The following PEX14 variants were observed in gnomAD, a reference collection of about 807,000 sequenced individuals.
PEX14 encodes peroxisomal membrane protein PEX14.
PEX14 carries 15 observed loss-of-function variants against 49.5 expected under a neutral mutation model. The ratio of observed to expected loss-of-function variants is 0.30; its 90% CI spans 0.20 to 0.47. The LOEUF (loss-of-function observed/expected upper bound fraction) is 0.47. PEX14 is among the 20% of genes least tolerant of loss of function. PEX14 has a pLI of 1.00. For missense variants in PEX14, 398 were observed against 494.8 expected, an observed-to-expected ratio of 0.80 and a Z score of 1.86; for synonymous variants, 210 against 212.7, an observed-to-expected ratio of 0.99 and a Z score of 0.11.
rs150546565 is a variant in PEX14, at chr1:10,618,894, C to T, written c.384+477C>T. Among the ~76,000 whole-genome samples the T allele has an allele frequency of 2.6e-4, 39 of 152,328 alleles. No individual in the cohort carries two copies. The East Asian group carries it at 4.4e-3, about 17-fold the overall frequency. On this transcript the variant is annotated intron_variant, in intron 5 of 8. Coordinates refer to ENST00000356607, the MANE Select transcript of PEX14 (RefSeq NM_004565.3). The stretch of plus-strand genomic sequence containing the variant: ...AACAGTCCCCACTTCACAAGGTTGT[C>T]GTGAAGTCCGGAAGAGTCAGTCTCC...
chr1:10,610,414 G>C (rs1038642738), intron 4 of PEX14, among the ~76,000 whole-genome samples: 7 of 128,852 alleles, frequency 5.4e-5, no homozygotes, highest in East Asian at 2.0e-4. Flanking sequence ...TATATACACA[G>C]AGAGAGAGAG....
At position 10,618,514 on chromosome 1, in the gene PEX14, C is replaced by T. The variant is rs1276323404; in HGVS notation, c.384+97C>T. 4 of 955,104 alleles carry T rather than the reference C, an allele frequency of 4.2e-6. No individual in the cohort carries two copies. The Admixed American group carries it at 7.3e-5, about 17-fold the overall frequency. 59.2% of individuals were successfully genotyped at this position (955,104 alleles called of 1,614,324 possible). ...TCCCCTGCATGGAGGCACTGCCGTG[C>T]TCTGCCCTGGAGTGTGTTGGCAGTG... On this transcript the variant is annotated intron_variant, in intron 5 of 8. Transcript: ENST00000356607.
At chr1:10,500,109 C>A (rs2124412424) in intron 2 of PEX14, among the ~76,000 whole-genome samples, 1 of 151,726 alleles carries the variant, frequency 6.6e-6, no homozygotes, top group African/African-American at 2.4e-5. Flanking sequence ...GTACTGTGAT[C>A]TCTGTAAGAA....
At chr1:10,591,550 C>T (rs1030130949) in intron 3 of PEX14, among the ~76,000 whole-genome samples, 1 of 151,776 alleles carries the variant, frequency 6.6e-6, no homozygotes. Context: ...GAAAAGTGTT[C>T]CTCAATCTCT....
intron 3 of PEX14, among the ~76,000 whole-genome samples, chr1:10,543,132 C>A (rs988201488): frequency 6.6e-6 from 1 of 152,102 alleles, no homozygotes; most frequent in African/African-American, 2.4e-5. Flanking sequence ...GTGAAAAATT[C>A]TTGCTTTCTT....
intron 1 of PEX14, among the ~76,000 whole-genome samples, chr1:10,480,614 T>C (rs1641267217): frequency 6.6e-6 from 1 of 152,024 alleles, no homozygotes; most frequent in Admixed American, 6.6e-5. Flanking sequence ...CAGGCTAGTC[T>C]TGAATGCTTG....
At position 10,611,015 on chromosome 1, in the gene PEX14, G is replaced by A. The variant is rs1486091784; in HGVS notation, c.299-7317G>A. On this transcript the variant is annotated intron_variant, in intron 4 of 8. Transcript: ENST00000356607. ...GTAATCCCAGCACTTTGGGATGTGA[G>A]TTGGGTGGATCACTTGAGGTCAGGA... Among the ~76,000 whole-genome samples, 3 of 152,078 alleles carry A rather than the reference G, an allele frequency of 2.0e-5. No homozygotes were observed. In the South Asian group the frequency reaches 6.2e-4, roughly 32 times the overall value.
At chr1:10,519,239 CGTGCCCT>C (rs1557823476) in intron 2 of PEX14, among the ~76,000 whole-genome samples, 1 of 152,108 alleles carries the variant, frequency 6.6e-6, no homozygotes, top group Non-Finnish European at 1.5e-5. Flanking sequence ...TCCTATTAGG[CGTGCCCT>C]GTGCTGGAAG....
chr1:10,579,131 G>A (rs1439314510), intron 3 of PEX14, among the ~76,000 whole-genome samples: 2 of 152,044 alleles, frequency 1.3e-5, no homozygotes, highest in Admixed American at 1.3e-4. Context: ...ATTGCATCGA[G>A]GTGTATCACA....
At chr1:10,590,665 C>G (rs1401816503) in intron 3 of PEX14, among the ~76,000 whole-genome samples, 1 of 152,128 alleles carries the variant, frequency 6.6e-6, no homozygotes, top group Non-Finnish European at 1.5e-5. Flanking sequence ...TTGAGTGCTA[C>G]ATATTTATCT....
intron 3 of PEX14, among the ~76,000 whole-genome samples, chr1:10,552,228 G>A (rs1470527934): frequency 1.3e-5 from 2 of 152,230 alleles, no homozygotes; most frequent in African/African-American, 4.8e-5. Context: ...CAAATCACGA[G>A]GTCAGGAGTT....
chr1:10,625,422 C>T (rs530735522), intron 7 of PEX14, among the ~76,000 whole-genome samples: 8 of 152,320 alleles, frequency 5.3e-5, no homozygotes, highest in East Asian at 3.9e-4. Context: ...CCACTCCTAG[C>T]GTACGAGTTG....
chr1:10,507,374 T>C (rs1309566018), intron 2 of PEX14, among the ~76,000 whole-genome samples: 2 of 152,258 alleles, frequency 1.3e-5, no homozygotes, highest in African/African-American at 2.4e-5. Flanking sequence ...CTGGTGATTC[T>C]GTACCTCCTT....
chr1:10,483,755 C>T (rs1641322382), intron 1 of PEX14, among the ~76,000 whole-genome samples: 1 of 89,666 alleles, frequency 1.1e-5, no homozygotes, highest in Non-Finnish European at 2.9e-5. Context: ...TGTGTAACCA[C>T]TACCACCCTA....
chr1:10,532,673 G>A (rs947840196), intron 2 of PEX14, among the ~76,000 whole-genome samples: 1 of 152,048 alleles, frequency 6.6e-6, no homozygotes, highest in Non-Finnish European at 1.5e-5. Flanking sequence ...ACATTGAGGC[G>A]GAAGATTTGG....
At chr1:10,620,544 T>A (rs994799594) in intron 5 of PEX14, among the ~76,000 whole-genome samples, 6 of 151,954 alleles carry the variant, frequency 3.9e-5, no homozygotes, top group Non-Finnish European at 7.4e-5. Context: ...TCCCAGGACT[T>A]TGGGAGGCTG....
chr1:10,569,791 C>T lies in PEX14; in HGVS notation c.170-29447C>T, dbSNP rs1023162239. Among the ~76,000 whole-genome samples, 29 of 152,166 alleles carry T rather than the reference C, an allele frequency of 1.9e-4. No individual in the cohort carries two copies. In the East Asian group the frequency reaches 5.2e-3, roughly 27 times the overall value. On this transcript the variant is annotated intron_variant, in intron 3 of 8. Transcript: ENST00000356607. ...ACATTTTCCATTGTTTTCTACCTTT[C>T]TGTGTTGCTGCTGAAAAGTCTGAGG...
At chr1:10,527,571 G>C (rs1638526181) in intron 2 of PEX14, among the ~76,000 whole-genome samples, 1 of 151,584 alleles carries the variant, frequency 6.6e-6, no homozygotes, top group Admixed American at 6.6e-5. Context: ...TCTAGGCTAT[G>C]AGTAGTTCTT....
At chr1:10,605,046 C>T (rs1641089082) in intron 4 of PEX14, among the ~76,000 whole-genome samples, 1 of 152,054 alleles carries the variant, frequency 6.6e-6, no homozygotes, top group Non-Finnish European at 1.5e-5. Context: ...AGACTCCCCA[C>T]CCCGCCCCAC....
Sources: gnomAD v4.1 joint callset for allele counts (sites outside exome capture counted in the v4.1 genomes callset) on GRCh38, gnomAD v4.1.1 for gene constraint, MANE v1.5 for transcripts, NCBI Gene and HGNC (gene_info 2026-07-23, HGNC 2026-07-21) for gene names.